CFAP44: variants seen among roughly 807,000 people sequenced by gnomAD.
The protein encoded by CFAP44 is cilia- and flagella-associated protein 44.
A neutral mutation model predicts 216.2 loss-of-function variants in CFAP44; 134 were observed. That is an observed-to-expected ratio of 0.62 (90% CI 0.54 to 0.72). The LOEUF is 0.72. Ranked by LOEUF, CFAP44 falls within the 30% of genes least tolerant of loss-of-function variation. The probability of loss-of-function intolerance (pLI) is 0.00; values close to 1 mark genes in which losing one functional copy is unlikely to be tolerated. For synonymous variants in CFAP44, 700 were observed against 727.6 expected (o/e 0.96, Z 0.61); for missense variants, 2,035 against 2,182.1 (o/e 0.93, Z 1.34).
At chr3:113,370,297 A>G (rs555348960) in intron 18 of CFAP44, among the ~76,000 whole-genome samples, 1 of 152,216 alleles carries the variant, frequency 6.6e-6, no homozygotes, top group African/African-American at 2.4e-5. Flanking sequence ...TTTTAGACCA[A>G]TATCCCTGAT....
intron 24 of CFAP44, among the ~76,000 whole-genome samples, chr3:113,337,931 T>C (rs1158827023): frequency 1.3e-5 from 2 of 152,058 alleles, no homozygotes; most frequent in Non-Finnish European, 2.9e-5. Context: ...AAGTTGGACA[T>C]CAACTAAATT....
At chr3:113,378,990 C>A (rs1933430131) in intron 17 of CFAP44, among the ~76,000 whole-genome samples, 2 of 152,116 alleles carry the variant, frequency 1.3e-5, no homozygotes, top group Non-Finnish European at 2.9e-5. Flanking sequence ...TACGCTTGAT[C>A]CTTCTCCTCT....
At chr3:113,379,586 A>T in intron 16 of CFAP44, 35 bp from the exon 17 acceptor site, 1 of 1,488,332 alleles carries the variant, frequency 6.7e-7, no homozygotes, top group Non-Finnish European at 9.2e-7. Flanking sequence ...TATAAAAACA[A>T]TTATGACTCA....
intron 9 of CFAP44, 48 bp from the exon 10 acceptor site, chr3:113,401,787 C>T (rs760739204): frequency 2.0e-6 from 3 of 1,521,404 alleles, no homozygotes; most frequent in Admixed American, 2.3e-5. Context: ...AGTTTCTGAA[C>T]ATTTATTTTC....
At chr3:113,320,423 A>ATTGATATATATGATATATG in intron 28 of CFAP44, among the ~76,000 whole-genome samples, 1 of 137,792 alleles carries the variant, frequency 7.3e-6, no homozygotes, top group South Asian at 2.3e-4. Flanking sequence ...TGATATATAT[A>ATTGATATATATGATATATG]TGATATATAT....
Position 113,305,087 on chromosome 3 carries a change from C to T in CFAP44, c.4824G>A (p.Lys1608=). The change falls in exon 31 of 35, where the codon AAG becomes AAA. Residue 1608 remains lysine, a synonymous_variant. Transcript: ENST00000393845. ...EEALEAYQRE[K]QQRLNELLVV... ...CTAGCAGTTCATTCAGCCGCTGCTG[C>T]TTCTCTCGCTGATAAGCCTCCAGGG... The T allele has an allele frequency of 6.5e-7, 1 of 1,537,288 alleles. No homozygotes were observed. The highest frequency in any genetic ancestry group is 8.7e-7 in the Non-Finnish European group (1 of 1,146,920).
At chr3:113,327,898 G>T (rs1424835584) in intron 26 of CFAP44, 79 bp from the exon 27 acceptor site, 1 of 1,304,064 alleles carries the variant, frequency 7.7e-7, no homozygotes, top group Non-Finnish European at 1.0e-6. Flanking sequence ...GTACTAATTT[G>T]TATGAAGTCA....
intron 6 of CFAP44, among the ~76,000 whole-genome samples, chr3:113,413,936 T>C (rs1934568175): frequency 6.6e-6 from 1 of 152,240 alleles, no homozygotes; most frequent in African/African-American, 2.4e-5. Context: ...ATTGAATCTA[T>C]AAATTACTTT....
rs1411246287 is a variant in CFAP44, at chr3:113,291,493, G to A, written c.*64C>T. ...AAGTAATAAGATTGTTGGAGGTGAT[G>A]AGGAGACAGAACTTCCAGTGAGTTA... On this transcript the variant is annotated 3_prime_UTR_variant, in exon 35 of 35. Transcript: ENST00000393845. The A allele has an allele frequency of 3.4e-6, 5 of 1,490,344 alleles. No homozygotes were observed. Among genetic ancestry groups the A allele is most frequent in the African/African-American group, 1.4e-5 (1 of 71,930 alleles). 92.3% of individuals were successfully genotyped at this position (1,490,344 alleles called of 1,614,324 possible). A position where few individuals can be genotyped will look rare whatever the true frequency, so the allele number is the denominator to read the frequency against.
intron 18 of CFAP44, among the ~76,000 whole-genome samples, chr3:113,367,908 G>A (rs1225827315): frequency 6.6e-6 from 1 of 152,144 alleles, no homozygotes; most frequent in East Asian, 1.9e-4. Context: ...ACCTCCTGGA[G>A]CTGAAAACCA....
chr3:113,358,998 C>A, intron 21 of CFAP44, 123 bp from the exon 22 acceptor site: 1 of 1,193,290 alleles, frequency 8.4e-7, no homozygotes. Flanking sequence ...AAACTCTGTC[C>A]ATTACAAAAG....
intron 24 of CFAP44, 103 bp downstream of exon 24, chr3:113,341,641 A>G: frequency 8.2e-7 from 1 of 1,226,982 alleles, no homozygotes; most frequent in Non-Finnish European, 1.1e-6. Context: ...TTCACTTTTG[A>G]TTTTAAATGA....
chr3:113,339,526 G>A (rs970885814), intron 24 of CFAP44, among the ~76,000 whole-genome samples: 2 of 152,106 alleles, frequency 1.3e-5, no homozygotes, highest in African/African-American at 4.8e-5. Context: ...CCCTGCTGTC[G>A]GAAAACTGAG....
At chr3:113,366,766 A>G (rs1576573024) in intron 18 of CFAP44, among the ~76,000 whole-genome samples, 1 of 152,346 alleles carries the variant, frequency 6.6e-6, no homozygotes, top group East Asian at 1.9e-4. Context: ...GTGTTGCCTC[A>G]CCTGGGAAGC....
In CFAP44 at chr3:113,305,029, G is replaced by A. The variant is rs779617428; in HGVS notation, c.4875+7C>T. ...ACAGGATGGAGCAGCCTCCCCAGAC[G>A]CATCACCTGGTGGAGCTTGAGCGGA... On this transcript the variant is annotated splice_region_variant and intron_variant, in intron 31 of 34. Coordinates refer to ENST00000393845, the MANE Select transcript of CFAP44 (RefSeq NM_001164496.2). 1.5e-4 allele frequency: 224 copies of A among 1,536,436 alleles called. No individual in the cohort carries two copies. The highest frequency in any genetic ancestry group is 1.9e-4 in the Non-Finnish European group (215 of 1,146,336).
At chr3:113,420,553 A>G (rs1934787277) in intron 4 of CFAP44, among the ~76,000 whole-genome samples, 1 of 152,214 alleles carries the variant, frequency 6.6e-6, no homozygotes, top group Non-Finnish European at 1.5e-5. Context: ...TGTCACCTAA[A>G]TAATTTTATT....
At chr3:113,296,980 C>T (rs1949887955) in intron 32 of CFAP44, 95 bp from the exon 33 acceptor site, 3 of 1,383,356 alleles carry the variant, frequency 2.2e-6, no homozygotes, top group East Asian at 2.5e-5. Context: ...ACTGCTTTTG[C>T]AAGATGATGA....
At chr3:113,300,467 T>C (rs1576535834) in intron 32 of CFAP44, among the ~76,000 whole-genome samples, 1 of 128,566 alleles carries the variant, frequency 7.8e-6, no homozygotes, top group East Asian at 2.6e-4. Flanking sequence ...ATATCCCATA[T>C]ATCTTATAAA....
chr3:113,412,963 T>C (rs1304187354), intron 6 of CFAP44, among the ~76,000 whole-genome samples: 1 of 152,192 alleles, frequency 6.6e-6, no homozygotes, highest in Non-Finnish European at 1.5e-5. Context: ...TCTTCAACAA[T>C]GGTTGAATTA....
Sources: gnomAD v4.1 joint callset for allele counts (sites outside exome capture counted in the v4.1 genomes callset) on GRCh38, gnomAD v4.1.1 for gene constraint, MANE v1.5 for transcripts, NCBI Gene and HGNC (gene_info 2026-07-23, HGNC 2026-07-21) for gene names.